KAZN: variants seen among roughly 807,000 people sequenced by gnomAD.
KAZN encodes kazrin.
KAZN carries 40 observed loss-of-function variants against 87.4 expected under a neutral mutation model. The observed-to-expected ratio is 0.46, with a 90% CI of 0.36 to 0.60. The LOEUF (loss-of-function observed/expected upper bound fraction) is 0.60. KAZN is among the 20% of genes least tolerant of loss of function. KAZN has a pLI of 0.00. For missense variants in KAZN, 898 were observed against 1,073.9 expected, an observed-to-expected ratio of 0.84 and a Z score of 2.29; for synonymous variants, 466 against 458.3, an observed-to-expected ratio of 1.02 and a Z score of -0.22.
rs141484465 is a variant in KAZN, at chr1:14,088,712, A to G, written c.92-91723A>G. 6.5e-3 allele frequency among the ~76,000 whole-genome samples: 994 copies of G among 151,994 alleles called. 10 individuals are homozygous for G. The South Asian group carries it at 0.066, about 10-fold the overall frequency. ...TGATGTTATCTGTATACTTGTTTTTATCAATTATTGAGAGAAGAATATTGA... is the reference window on the plus strand; with the variant it reads ...TGATGTTATCTGTATACTTGTTTTTGTCAATTATTGAGAGAAGAATATTGA... On this transcript the variant is annotated intron_variant, in intron 1 of 16. Coordinates refer to the KAZN transcript ENST00000636203.
chr1:15,083,962 A>C (rs1640130729), intron 8 of KAZN, among the ~76,000 whole-genome samples: 1 of 152,206 alleles, frequency 6.6e-6, no homozygotes. Context: ...AGCCTGCTGG[A>C]AACATCGGGG....
At chr1:14,842,441 T>C (rs1648130215) in intron 1 of KAZN, among the ~76,000 whole-genome samples, 2 of 152,218 alleles carry the variant, frequency 1.3e-5, no homozygotes, top group African/African-American at 4.8e-5. Context: ...CTGGAGCCAA[T>C]GTCAGTCCAT....
intron 1 of KAZN, among the ~76,000 whole-genome samples, chr1:14,165,069 G>A (rs1299995570): frequency 1.3e-5 from 2 of 152,128 alleles, no homozygotes; most frequent in South Asian, 2.1e-4. Context: ...TTTCTATCTC[G>A]ATGACATCTG....
chr1:13,995,236 T>A (rs1400413949), intron 1 of KAZN, among the ~76,000 whole-genome samples: 109 of 112,740 alleles, frequency 9.7e-4, no homozygotes, highest in Non-Finnish European at 1.1e-3. Flanking sequence ...AAAAAAAAAA[T>A]CCTAATGATT....
chr1:14,580,056 G>A (rs868433487), intron 2 of KAZN, among the ~76,000 whole-genome samples: 5 of 152,152 alleles, frequency 3.3e-5, no homozygotes, highest in South Asian at 2.1e-4. Flanking sequence ...ACAGGAATCC[G>A]ACATCTTTTT....
At chr1:14,922,643 T>G (rs963175682) in intron 1 of KAZN, among the ~76,000 whole-genome samples, 2 of 151,878 alleles carry the variant, frequency 1.3e-5, no homozygotes, top group Non-Finnish European at 2.9e-5. Context: ...AATACAAAAA[T>G]TAGCCGGGCA....
In KAZN at chr1:14,086,145, C is replaced by T. The variant is rs373985215; in HGVS notation, c.92-94290C>T. Among the ~76,000 whole-genome samples, 291 of 152,168 alleles carry T rather than the reference C, an allele frequency of 1.9e-3. 3 individuals are homozygous for T. In the South Asian group the frequency reaches 0.02, roughly 10 times the overall value. ...TTAGGAGTTCTTCATATATTTTGGA[C>T]GCAAATCTCTTATCAAATATACATC... On this transcript the variant is annotated intron_variant, in intron 1 of 16. Transcript: ENST00000636203.
intron 1 of KAZN, among the ~76,000 whole-genome samples, chr1:14,867,926 T>TG (rs1651672578): frequency 6.6e-6 from 1 of 152,240 alleles, no homozygotes; most frequent in Non-Finnish European, 1.5e-5. Flanking sequence ...AGGACAGCAG[T>TG]GGGCAGGCAC....
At chr1:14,703,908 A>G (rs1642066182) in intron 1 of KAZN, among the ~76,000 whole-genome samples, 1 of 152,198 alleles carries the variant, frequency 6.6e-6, no homozygotes, top group Admixed American at 6.5e-5. Flanking sequence ...AATAAAAAAG[A>G]ATAGATTGAC....
At chr1:13,966,437 G>A (rs527291259) in intron 1 of KAZN, among the ~76,000 whole-genome samples, 1 of 152,312 alleles carries the variant, frequency 6.6e-6, no homozygotes, top group East Asian at 1.9e-4. Flanking sequence ...TCTGGGGGTG[G>A]GGTCCTGCAG....
intron 8 of KAZN, among the ~76,000 whole-genome samples, chr1:15,088,549 C>A (rs1437540842): frequency 6.6e-6 from 1 of 152,206 alleles, no homozygotes; most frequent in Non-Finnish European, 1.5e-5. Context: ...TCGGCAGCCC[C>A]TCCGCTGAGC....
chr1:15,056,255 C>A lies in KAZN; in HGVS notation c.891C>A (p.His297Gln), dbSNP rs543834768. The A allele has an allele frequency of 1.5e-4, 248 of 1,608,540 alleles. 2 individuals carry two copies. The South Asian group carries it at 2.6e-3, about 17-fold the overall frequency. ...RQSQQTLYHS[H>Q]PPHPADRQAV... ...GTCAACAGACTCTCTACCACTCACA[C>A]CCCCCTCACCCTGCGGACCGGCAAG... Residue 297 changes from histidine (H) to glutamine (Q), a missense_variant, in exon 5 of 15, where the codon CAC becomes CAA. Transcript: ENST00000376030. The surrounding 1 kb of genome is among the most constrained non-coding windows in gnomAD (Gnocchi z 5.4).
intron 3 of KAZN, among the ~76,000 whole-genome samples, chr1:15,036,713 G>A (rs549141292): frequency 7.2e-4 from 110 of 152,276 alleles, no homozygotes; most frequent in African/African-American, 2.5e-3. Flanking sequence ...CATGCAGAGG[G>A]AGGGGTAGGG....
intron 1 of KAZN, among the ~76,000 whole-genome samples, chr1:14,710,427 G>T (rs1016018854): frequency 6.6e-6 from 1 of 152,134 alleles, no homozygotes; most frequent in East Asian, 1.9e-4. Flanking sequence ...ATGTCCTACC[G>T]TGGCACGTGG....
intron 1 of KAZN, among the ~76,000 whole-genome samples, chr1:14,138,178 A>T (rs760183618): frequency 1.3e-5 from 2 of 152,026 alleles, no homozygotes; most frequent in Admixed American, 1.3e-4. Context: ...CCAACAAACT[A>T]TATAGAAATG....
intron 1 of KAZN, among the ~76,000 whole-genome samples, chr1:14,937,077 C>G (rs1249907034): frequency 6.6e-6 from 1 of 152,192 alleles, no homozygotes; most frequent in Non-Finnish European, 1.5e-5. Context: ...CTCATTGCAG[C>G]CCCTCTGGGC....
At chr1:13,987,278 C>A (rs1333227255) in intron 1 of KAZN, among the ~76,000 whole-genome samples, 2 of 151,950 alleles carry the variant, frequency 1.3e-5, no homozygotes, top group African/African-American at 2.4e-5. Flanking sequence ...GGTTTTAAGC[C>A]CCGCATGCAT....
chr1:14,381,332 A>C (rs987874914), intron 2 of KAZN, among the ~76,000 whole-genome samples: 1 of 152,066 alleles, frequency 6.6e-6, no homozygotes, highest in Non-Finnish European at 1.5e-5. Context: ...AACTCATCCT[A>C]TGATGCCAGT....
chr1:14,320,460 A>T (rs1655972723), intron 2 of KAZN, among the ~76,000 whole-genome samples: 1 of 152,096 alleles, frequency 6.6e-6, no homozygotes, highest in African/African-American at 2.4e-5. Flanking sequence ...CTTATCTCTA[A>T]CTGCTTCCAA....
Sources: gnomAD v4.1 joint callset for allele counts (sites outside exome capture counted in the v4.1 genomes callset) on GRCh38, gnomAD v4.1.1 for gene constraint, Gnocchi (gnomAD v3.1) non-coding constraint, MANE v1.5 for transcripts, NCBI Gene and HGNC (gene_info 2026-07-23, HGNC 2026-07-21) for gene names.